ATAD2B: variants seen among roughly 807,000 people sequenced by gnomAD.
ATAD2B encodes ATPase family AAA domain-containing protein 2B.
ATAD2B carries 40 observed loss-of-function variants against 167.6 expected under a neutral mutation model. The ratio of observed to expected loss-of-function variants is 0.24; its 90% CI spans 0.19 to 0.31. ATAD2B has a LOEUF of 0.31. Ranked by LOEUF, ATAD2B falls within the 10% of genes least tolerant of loss-of-function variation. The probability of loss-of-function intolerance (pLI) is 1.00; values close to 1 mark genes in which losing one functional copy is unlikely to be tolerated. For missense variants in ATAD2B, 1,242 were observed against 1,757.2 expected, an observed-to-expected ratio of 0.71 and a Z score of 5.24; for synonymous variants, 579 against 596.5, an observed-to-expected ratio of 0.97 and a Z score of 0.43.
the ATAD2B span, among the ~76,000 whole-genome samples, chr2:23,734,844 C>T: frequency 6.6e-6 from 1 of 152,140 alleles, no homozygotes; most frequent in African/African-American, 2.4e-5. Context: ...TCAACTAAAC[C>T]ATTATCATTG....
chr2:23,769,268 A>G (rs1677924934), intron 22 of ATAD2B, among the ~76,000 whole-genome samples: 1 of 152,078 alleles, frequency 6.6e-6, no homozygotes, highest in East Asian at 1.9e-4. Context: ...GTGAAACCCC[A>G]TCTCTAATAA....
chr2:23,753,895 T>C (rs886751924), intron 27 of ATAD2B, among the ~76,000 whole-genome samples: 6 of 151,996 alleles, frequency 3.9e-5, no homozygotes, highest in African/African-American at 1.2e-4. Context: ...AGGGAGAGAA[T>C]TGTGACATAC....
chr2:23,814,990 A>G (rs1282629546), intron 17 of ATAD2B, among the ~76,000 whole-genome samples: 1 of 149,950 alleles, frequency 6.7e-6, no homozygotes, highest in Non-Finnish European at 1.5e-5. Flanking sequence ...TGGGAGGTGG[A>G]GGTTGCAGTG....
the ATAD2B span, among the ~76,000 whole-genome samples, chr2:23,702,289 C>T: frequency 6.6e-6 from 1 of 152,188 alleles, no homozygotes; most frequent in South Asian, 2.1e-4. Context: ...GTTCAGCCAG[C>T]TTACCTTAAA....
intron 12 of ATAD2B, among the ~76,000 whole-genome samples, chr2:23,860,959 G>A (rs1483053150): frequency 2.0e-5 from 3 of 151,966 alleles, no homozygotes; most frequent in African/African-American, 4.8e-5. Context: ...CGACAAAAGC[G>A]AAACTCCATA....
intron 16 of ATAD2B, among the ~76,000 whole-genome samples, chr2:23,820,885 C>T (rs2149633345): frequency 6.6e-6 from 1 of 152,140 alleles, no homozygotes; most frequent in Admixed American, 6.5e-5. Flanking sequence ...GGAGGCGGAG[C>T]TTGCAGTGAG....
At chr2:23,861,754 G>A (rs1262542808) in intron 12 of ATAD2B, among the ~76,000 whole-genome samples, 1 of 152,046 alleles carries the variant, frequency 6.6e-6, no homozygotes, top group Non-Finnish European at 1.5e-5. Flanking sequence ...ATCTATAAAT[G>A]TTTATATTTT....
At chr2:23,786,371 A>G in intron 20 of ATAD2B, 148 bp from the exon 21 acceptor site, 1 of 715,612 alleles carries the variant, frequency 1.4e-6, no homozygotes. Flanking sequence ...AGAAATGTGC[A>G]GTTAGGCAAT....
the ATAD2B span, chr2:23,706,413 T>G: frequency 7.0e-6 from 9 of 1,281,694 alleles, no homozygotes; most frequent in East Asian, 2.9e-5. Context: ...GACACGACGT[T>G]GAGAACCTAT....
Position 23,895,821 on chromosome 2 carries a change from G to C in ATAD2B, c.366C>G (p.Ala122=), listed in dbSNP as rs569879114. 2 of 1,607,454 alleles carry C rather than the reference G, an allele frequency of 1.2e-6. No homozygotes were observed. Among genetic ancestry groups the C allele is most frequent in the South Asian group, 1.1e-5 (1 of 90,340 alleles). Residue 122 remains alanine, a splice_region_variant and synonymous_variant, in exon 2 of 28, where the codon GCC becomes GCG. Transcript: ENST00000238789. ...ATCAATGAGTTCTCCTTTCTCACCT[G>C]GCCTGTCCAGTTGATAAGTTCCATT... ...REEWNLSTGQ[A]RLTSQPGATL...
At chr2:23,684,449 C>T in the ATAD2B span, 1 of 1,550,754 alleles carries the variant, frequency 6.4e-7, no homozygotes, top group South Asian at 1.2e-5. The surrounding 1 kb of genome is among the most constrained non-coding windows in gnomAD (Gnocchi z 4.4). Flanking sequence ...GTTTACAGAC[C>T]TGAAAATTGT....
At chr2:23,863,634 C>CT (rs1037158466) in intron 11 of ATAD2B, 79 bp from the exon 12 acceptor site, 1 of 1,274,518 alleles carries the variant, frequency 7.8e-7, no homozygotes, top group Non-Finnish European at 1.1e-6. Context: ...ATGTCCCCCC[C>CT]TTCCATATAA....
In ATAD2B at chr2:23,798,307, C is replaced by T. The variant is rs756817307; in HGVS notation, c.2471G>A (p.Arg824Gln). The part of the protein sequence containing the change: ...ESCAQIFREA[R>Q]RTVPSIVYMP... ...GTAAACAATACTAGGTACTGTTCTT[C>T]GAGCTTCACGAAAAATCTAATTAAG... The change falls in exon 19 of 28, where the codon CGA becomes CAA. Residue 824 changes from arginine (R) to glutamine (Q), a missense_variant. By Grantham distance (43) the Arg-to-Gln change is conservative. Transcript: ENST00000238789. 1 of 1,573,288 alleles carries T rather than the reference C, an allele frequency of 6.4e-7. No homozygotes were observed. The highest frequency in any genetic ancestry group is 1.2e-5 in the South Asian group (1 of 85,196).
intron 17 of ATAD2B, among the ~76,000 whole-genome samples, chr2:23,818,460 G>A (rs2149609111): frequency 6.8e-6 from 1 of 146,564 alleles, no homozygotes; most frequent in East Asian, 2.0e-4. Flanking sequence ...ACTTCCCCAA[G>A]AGCATAAAAG....
intron 14 of ATAD2B, among the ~76,000 whole-genome samples, chr2:23,829,580 G>A (rs1024613594): frequency 3.3e-4 from 50 of 152,060 alleles, no homozygotes; most frequent in Non-Finnish European, 1.0e-4. Context: ...GTGACACCCT[G>A]TCTCTACAAA....
chr2:23,896,645 CA>C (rs1700192723), intron 1 of ATAD2B, among the ~76,000 whole-genome samples: 1 of 152,132 alleles, frequency 6.6e-6, no homozygotes, highest in African/African-American at 2.4e-5. Flanking sequence ...TACAACCCCC[CA>C]ATCAGGAAAT....
rs1684831832 is a variant in ATAD2B, at chr2:23,808,068, A to AATATATAAGTAATTATATCTATAATTAT, written c.2454+2247_2454+2248insATAATTATAGATATAATTACTTATATAT. On this transcript the variant is annotated intron_variant, in intron 18 of 27. Transcript: ENST00000238789. ...TTATATATAAGTAACTATAAATTAT[A>AATATATAAGTAATTATATCTATAATTAT]ATATATAAGTAATTATATATATAAT... 5.1e-4 allele frequency among the ~76,000 whole-genome samples: 31 copies of AATATATAAGTAATTATATCTATAATTAT among 60,920 alleles called. No individual in the cohort carries two copies. In the East Asian group the frequency reaches 9.4e-3, roughly 19 times the overall value. 40.0% of individuals were successfully genotyped at this position (60,920 alleles called of 152,430 possible). A position where few individuals can be genotyped will look rare whatever the true frequency, so the allele number is the denominator to read the frequency against.
intron 1 of ATAD2B, among the ~76,000 whole-genome samples, chr2:23,904,114 G>GTT (rs1701184901): frequency 6.6e-6 from 1 of 152,020 alleles, no homozygotes; most frequent in African/African-American, 2.4e-5. Flanking sequence ...GTTGAAGTGA[G>GTT]TTAAGGAGCA....
intron 19 of ATAD2B, among the ~76,000 whole-genome samples, chr2:23,794,423 T>C (rs543151965): frequency 6.6e-6 from 1 of 152,344 alleles, no homozygotes; most frequent in Admixed American, 6.5e-5. Flanking sequence ...TTGACTGAAG[T>C]ATATAATGAA....
Sources: allele counts gnomAD v4.1 joint callset (sites outside exome capture counted in the v4.1 genomes callset), GRCh38; gene constraint gnomAD v4.1.1; non-coding constraint Gnocchi (gnomAD v3.1); transcripts MANE v1.5; gene names NCBI Gene and HGNC (gene_info 2026-07-23, HGNC 2026-07-21).